Variants in SH3BGR observed in about 807,000 individuals in gnomAD.
SH3BGR encodes SH3 domain-binding glutamic acid-rich protein.
In SH3BGR, 29 loss-of-function variants were observed where a neutral mutation model predicts 24.5. The observed-to-expected ratio is 1.18, with a 90% CI of 0.88 to 1.61. SH3BGR has a LOEUF of 1.61. SH3BGR is among the 40% of genes most tolerant of loss of function. The pLI is 0.00. For missense variants in SH3BGR, 162 were observed against 205.8 expected, an observed-to-expected ratio of 0.79 and a Z score of 1.30; for synonymous variants, 55 against 65.7, an observed-to-expected ratio of 0.84 and a Z score of 0.79.
chr21:39,446,252 C>G (rs537109344), intron 1 of SH3BGR, among the ~76,000 whole-genome samples: 7 of 151,376 alleles, frequency 4.6e-5, no homozygotes, highest in African/African-American at 1.5e-4. Flanking sequence ...ACAGGCAAGT[C>G]CAAAGCAAAA....
At chr21:39,464,657 G>A (rs1386620523) in intron 2 of SH3BGR, among the ~76,000 whole-genome samples, 2 of 152,204 alleles carry the variant, frequency 1.3e-5, no homozygotes, top group Non-Finnish European at 2.9e-5. Flanking sequence ...TCCTGTGGGT[G>A]TGGAAGTATT....
chr21:39,473,890 A>AAT (rs1555911833), intron 2 of SH3BGR, among the ~76,000 whole-genome samples: 1 of 151,458 alleles, frequency 6.6e-6, no homozygotes, highest in Non-Finnish European at 1.5e-5. Flanking sequence ...GTCTCAAAAA[A>AAT]AAAAACAAAA....
rs1478365258 is a variant in SH3BGR at position 39,491,750 on chromosome 21, A to G, written c.313-8073A>G. 8 of 222,294 alleles carry G rather than the reference A, an allele frequency of 3.6e-5. No homozygotes were observed. The East Asian group carries it at 8.7e-4, about 24-fold the overall frequency. 13.8% of individuals were successfully genotyped at this position (222,294 alleles called of 1,614,324 possible). ...AGAAGCTTGCTTAGAAATGTCCCTG[A>G]CTGCTGTGGCCTCCACTTTGTTTCA... On this transcript the variant is annotated intron_variant, in intron 3 of 6. Transcript: ENST00000333634.
chr21:39,451,933 C>T, upstream of SH3BGR: 2 of 1,614,150 alleles, frequency 1.2e-6, no homozygotes, highest in Non-Finnish European at 1.7e-6. Flanking sequence ...CTTGGAGAGA[C>T]AGAGCCTCTT....
chr21:39,485,140 A>G (rs1381662738), intron 3 of SH3BGR, among the ~76,000 whole-genome samples: 1 of 152,228 alleles, frequency 6.6e-6, no homozygotes, highest in Non-Finnish European at 1.5e-5. Context: ...TAGTTCTTTA[A>G]AAGCATGTGG....
At chr21:39,480,004 A>T (rs1163451606) in intron 3 of SH3BGR, among the ~76,000 whole-genome samples, 1 of 152,124 alleles carries the variant, frequency 6.6e-6, no homozygotes, top group Non-Finnish European at 1.5e-5. Context: ...TCAGCTTCTC[A>T]TGATTAACTA....
chr21:39,469,158 A>G (rs1189734908), intron 2 of SH3BGR, among the ~76,000 whole-genome samples: 1 of 152,004 alleles, frequency 6.6e-6, no homozygotes, highest in Non-Finnish European at 1.5e-5. Flanking sequence ...AGGAAGGTAC[A>G]GAAATTTCCC....
At chr21:39,450,947 C>G (rs1044827363), upstream of SH3BGR, among the ~76,000 whole-genome samples, 2 of 152,084 alleles carry the variant, frequency 1.3e-5, no homozygotes, top group African/African-American at 4.8e-5. Flanking sequence ...GCTGGAAATA[C>G]AGATACAGGC....
intron 4 of SH3BGR, 55 bp from the exon 5 acceptor site, chr21:39,508,943 C>A: frequency 7.2e-7 from 1 of 1,382,154 alleles, no homozygotes. Context: ...TCAGATTTGA[C>A]TTTAAACGTA....
At chr21:39,461,840 AATT>A (rs1288582641) in intron 1 of SH3BGR, among the ~76,000 whole-genome samples, 3 of 152,000 alleles carry the variant, frequency 2.0e-5, no homozygotes, top group Non-Finnish European at 2.9e-5. Context: ...ATAATTAATT[AATT>A]ATTTTATTTA....
At chr21:39,458,796 G>A (rs1468242245) in intron 1 of SH3BGR, among the ~76,000 whole-genome samples, 4 of 151,344 alleles carry the variant, frequency 2.6e-5, no homozygotes, top group Admixed American at 6.6e-5. Flanking sequence ...ACAGACATGC[G>A]CCACCACGCC....
At chr21:39,472,639 T>C (rs950879398) in intron 2 of SH3BGR, among the ~76,000 whole-genome samples, 3 of 152,212 alleles carry the variant, frequency 2.0e-5, no homozygotes, top group African/African-American at 7.2e-5. Flanking sequence ...TCTCATGAAT[T>C]CTACTTGTGG....
chr21:39,479,847 C>G (rs927997565), intron 3 of SH3BGR, among the ~76,000 whole-genome samples: 45 of 139,030 alleles, frequency 3.2e-4, no homozygotes, highest in Admixed American at 2.9e-3. Flanking sequence ...CCTTTACTGC[C>G]TTTGAATTTC....
Position 39,479,490 on chromosome 21 carries a change from T to C in SH3BGR, c.312+4275T>C, listed in dbSNP as rs537119866. Among the ~76,000 whole-genome samples the C allele has an allele frequency of 6.6e-5, 10 of 151,448 alleles. No individual in the cohort carries two copies. In the South Asian group the frequency reaches 2.1e-3, roughly 31 times the overall value. ...TTGGTGTTGGTGGTGGTGATGGTAG[T>C]GGAGGTGGGGGTGATGGAAAGTGGG... is the stretch of plus-strand genomic sequence containing the variant. On this transcript the variant is annotated intron_variant, in intron 3 of 6. Transcript: ENST00000333634.
intron 3 of SH3BGR, chr21:39,488,691 A>G (rs1235038708): frequency 2.3e-6 from 1 of 428,240 alleles, no homozygotes; most frequent in South Asian, 2.0e-5. Context: ...TCCTTGTCAT[A>G]CTGGGTGGGA....
At chr21:39,479,123 A>C (rs1402460649) in intron 3 of SH3BGR, among the ~76,000 whole-genome samples, 1 of 152,142 alleles carries the variant, frequency 6.6e-6, no homozygotes, top group Non-Finnish European at 1.5e-5. Context: ...TATTCCCAGC[A>C]ACTAGGAAGG....
chr21:39,494,144 C>T (rs1036482372), intron 3 of SH3BGR, among the ~76,000 whole-genome samples: 2 of 152,062 alleles, frequency 1.3e-5, no homozygotes, highest in African/African-American at 4.8e-5. Flanking sequence ...GACTGTTTCC[C>T]ATCCTTTATG....
At chr21:39,509,103 T>C (rs1361830579) in intron 5 of SH3BGR, 76 bp downstream of exon 5, 5 of 1,192,118 alleles carry the variant, frequency 4.2e-6, no homozygotes, top group Non-Finnish European at 4.9e-6. Context: ...GATTGCAGCT[T>C]GAGGCACGTT....
chr21:39,501,557 CA>C lies in SH3BGR; in HGVS notation c.405+1643del, dbSNP rs1465367435. Among the ~76,000 whole-genome samples, 3 of 152,324 alleles carry C rather than the reference CA, an allele frequency of 2.0e-5. No individual in the cohort carries two copies. The South Asian group carries it at 6.2e-4, about 32-fold the overall frequency. On this transcript the variant is annotated intron_variant, in intron 4 of 6. Transcript: ENST00000333634. ...TTATTTTATATGAATATATTACTAA[CA>C]TCATATTATCAAATTTACTTTTCAA...
Sources: allele counts gnomAD v4.1 joint callset (sites outside exome capture counted in the v4.1 genomes callset), GRCh38; gene constraint gnomAD v4.1.1; transcripts MANE v1.5; gene names NCBI Gene and HGNC (gene_info 2026-07-23, HGNC 2026-07-21).